Variants in KANSL1 observed in about 807,000 individuals in gnomAD.
KANSL1 encodes the protein MLL1/MLL complex subunit KANSL1.
In KANSL1, 22 loss-of-function variants were observed where a neutral mutation model predicts 103.6. The observed-to-expected ratio is 0.21, with a 90% CI of 0.15 to 0.30. The LOEUF (loss-of-function observed/expected upper bound fraction) is 0.30. Ranked by LOEUF, KANSL1 falls within the 10% of genes least tolerant of loss-of-function variation. The pLI is 1.00. For missense variants in KANSL1, 1,337 were observed against 1,399.8 expected, an observed-to-expected ratio of 0.96 and a Z score of 0.72; for synonymous variants, 600 against 527.6, an observed-to-expected ratio of 1.14 and a Z score of -1.88.
intron 2 of KANSL1, among the ~76,000 whole-genome samples, chr17:46,121,979 T>C (rs1316360400): frequency 6.6e-6 from 1 of 152,202 alleles, no homozygotes; most frequent in Non-Finnish European, 1.5e-5. Context: ...GAATAACTCA[T>C]TTACTGAAGA....
intron 1 of KANSL1, among the ~76,000 whole-genome samples, chr17:46,209,086 G>A (rs1213133619): frequency 9.2e-5 from 14 of 152,180 alleles, no homozygotes; most frequent in African/African-American, 3.4e-4. Flanking sequence ...GGGAGGCTGA[G>A]GCAGGAGAAT....
chr17:46,137,625 C>T (rs1036573448), intron 2 of KANSL1, among the ~76,000 whole-genome samples: 1 of 152,144 alleles, frequency 6.6e-6, no homozygotes, highest in African/African-American at 2.4e-5. Context: ...CCTGTAATCC[C>T]AGCACTTTGG....
At position 46,080,312 on chromosome 17, in the gene KANSL1, TAAAAAAA is replaced by T. The variant is rs35520207; in HGVS notation, c.1533+2122_1533+2128del. 7.1e-4 allele frequency among the ~76,000 whole-genome samples: 55 copies of T among 77,782 alleles called. 1 individual carries two copies. The highest frequency in any genetic ancestry group is 1.6e-3 in the African/African-American group (36 of 22,356). 51.0% of individuals were successfully genotyped at this position (77,782 alleles called of 152,430 possible). ...TGGGTGACAGAGCAAGAGCCTGTCT[TAAAAAAA>T]AAAAAAAAAAAAAAAAAGGAATAAA... is the stretch of plus-strand genomic sequence containing the variant. On this transcript the variant is annotated intron_variant, in intron 4 of 14. Coordinates refer to ENST00000432791, the MANE Select transcript of KANSL1 (RefSeq NM_015443.4).
chr17:46,102,510 A>G (rs1171704579), intron 2 of KANSL1, among the ~76,000 whole-genome samples: 1 of 152,166 alleles, frequency 6.6e-6, no homozygotes, highest in Non-Finnish European at 1.5e-5. Context: ...TCAGCCTCCC[A>G]AAGTGCTGCA....
intron 2 of KANSL1, among the ~76,000 whole-genome samples, chr17:46,142,900 A>T (rs2044497935): frequency 6.6e-6 from 1 of 152,246 alleles, no homozygotes; most frequent in Non-Finnish European, 1.5e-5. Flanking sequence ...CAATATAAAT[A>T]AATACAAAAA....
chr17:46,104,411 C>T (rs1356634731), intron 2 of KANSL1, among the ~76,000 whole-genome samples: 1 of 152,194 alleles, frequency 6.6e-6, no homozygotes, highest in Non-Finnish European at 1.5e-5. Context: ...TCTTTGTCCT[C>T]TTCAAGCTTA....
chr17:46,045,158 C>T (rs1282714663), intron 7 of KANSL1: 1 of 152,102 alleles, frequency 6.6e-6, no homozygotes, highest in Non-Finnish European at 1.5e-5. Context: ...CTGTTATTTA[C>T]TGCTATACAA....
chr17:46,031,963 C>A, intron 14 of KANSL1, 84 bp downstream of exon 14: 2 of 1,589,166 alleles, frequency 1.3e-6, no homozygotes, highest in South Asian at 1.1e-5. Flanking sequence ...GAGGGGATGG[C>A]TAGGTCCCTC....
chr17:46,070,506 G>A (rs897061267), intron 4 of KANSL1, among the ~76,000 whole-genome samples: 1 of 151,978 alleles, frequency 6.6e-6, no homozygotes, highest in African/African-American at 2.4e-5. Context: ...CTACACAGGG[G>A]AAACCTCAAA....
intron 6 of KANSL1, among the ~76,000 whole-genome samples, chr17:46,062,114 C>CAAAAAAAAAAAAAAAAAAAAAAA (rs1192815524): frequency 2.7e-5 from 1 of 37,126 alleles, no homozygotes; most frequent in African/African-American, 6.8e-5. Context: ...AAAAAACAAA[C>CAAAAAAAAAAAAAAAAAAAAAAA]AAACAAAAAA....
At chr17:46,119,602 C>T (rs2043196525) in intron 2 of KANSL1, among the ~76,000 whole-genome samples, 3 of 152,084 alleles carry the variant, frequency 2.0e-5, no homozygotes, top group African/African-American at 4.8e-5. Context: ...CCACCACACC[C>T]GGCCCAGAGT....
intron 2 of KANSL1, among the ~76,000 whole-genome samples, chr17:46,158,639 CAAG>C: frequency 6.6e-6 from 1 of 152,174 alleles, no homozygotes; most frequent in South Asian, 2.1e-4. Context: ...CACCTGGGTT[CAAG>C]TGATTCTCCT....
intron 11 of KANSL1, among the ~76,000 whole-genome samples, chr17:46,033,825 A>C (rs1208527418): frequency 6.6e-6 from 1 of 152,264 alleles, no homozygotes; most frequent in Non-Finnish European, 1.5e-5. Flanking sequence ...GTTTGGCAAC[A>C]AAAGCTGGAA....
chr17:46,183,306 A>G (rs903417016), intron 1 of KANSL1, among the ~76,000 whole-genome samples: 10 of 152,196 alleles, frequency 6.6e-5, no homozygotes, highest in Middle Eastern at 3.4e-3. Flanking sequence ...ATGGCCTACC[A>G]TGGTAGCTCA....
At chr17:46,106,458 T>A (rs1352579359) in intron 2 of KANSL1, among the ~76,000 whole-genome samples, 1 of 152,220 alleles carries the variant, frequency 6.6e-6, no homozygotes, top group Non-Finnish European at 1.5e-5. Context: ...AGTGGTGCGA[T>A]CTCGGCTCAC....
intron 4 of KANSL1, among the ~76,000 whole-genome samples, chr17:46,071,932 G>A (rs2078591323): frequency 1.3e-5 from 2 of 152,116 alleles, no homozygotes; most frequent in Admixed American, 6.6e-5. Flanking sequence ...ATCTTTTGGA[G>A]TAATCTTACA....
chr17:46,086,895 G>A (rs2079183864), intron 3 of KANSL1, among the ~76,000 whole-genome samples: 1 of 152,126 alleles, frequency 6.6e-6, no homozygotes, highest in Admixed American at 6.5e-5. Flanking sequence ...ATACAAGTGG[G>A]AGGGGGTACT....
chr17:46,094,929 G>A (rs2041998268), intron 2 of KANSL1, among the ~76,000 whole-genome samples: 1 of 152,208 alleles, frequency 6.6e-6, no homozygotes, highest in African/African-American at 2.4e-5. Flanking sequence ...CTAGCATCCT[G>A]ATCCTGTGGC....
intron 2 of KANSL1, among the ~76,000 whole-genome samples, chr17:46,123,705 G>A (rs1220265484): frequency 6.6e-6 from 1 of 152,232 alleles, no homozygotes; most frequent in Non-Finnish European, 1.5e-5. Flanking sequence ...GAGAGGTGAG[G>A]AAGCTGCAGA....
Sources: gnomAD v4.1 joint callset for allele counts (sites outside exome capture counted in the v4.1 genomes callset) on GRCh38, gnomAD v4.1.1 for gene constraint, MANE v1.5 for transcripts, NCBI Gene and HGNC (gene_info 2026-07-23, HGNC 2026-07-21) for gene names.